The following LRP1B variants were observed in gnomAD, a reference collection of about 807,000 sequenced individuals.
LRP1B encodes low-density lipoprotein receptor-related protein 1B.
Under a neutral mutation model 556.6 loss-of-function variants are expected in LRP1B, and 217 were observed. That is an observed-to-expected ratio of 0.39 (90% CI 0.35 to 0.44). The LOEUF is 0.44. LRP1B is among the 20% of genes least tolerant of loss of function. The probability of loss-of-function intolerance (pLI) is 1.00; values close to 1 mark genes in which losing one functional copy is unlikely to be tolerated. For synonymous variants in LRP1B, 2,047 were observed against 1,865.8 expected, an observed-to-expected ratio of 1.10 and a Z score of -2.50; for missense variants, 5,053 against 5,620.8, an observed-to-expected ratio of 0.90 and a Z score of 3.23.
At chr2:140,730,621 G>A (rs1183565591) in intron 35 of LRP1B, among the ~76,000 whole-genome samples, 1 of 152,014 alleles carries the variant, frequency 6.6e-6, no homozygotes, top group Non-Finnish European at 1.5e-5. Context: ...GTTCAGTGGC[G>A]AGATCTCGGC....
intron 7 of LRP1B, among the ~76,000 whole-genome samples, chr2:141,122,435 C>A (rs942585858): frequency 1.0e-4 from 15 of 149,248 alleles, no homozygotes; most frequent in African/African-American, 3.7e-4. Context: ...AAAAAGTGGG[C>A]AAAGGATATG....
At chr2:140,296,396 T>C (rs186541037) in intron 84 of LRP1B, among the ~76,000 whole-genome samples, 142 of 152,274 alleles carry the variant, frequency 9.3e-4, no homozygotes, top group African/African-American at 3.4e-3. Context: ...ATAAGGGATA[T>C]CCAACTTGTT....
At chr2:140,985,067 C>A (rs1573952137) in intron 17 of LRP1B, among the ~76,000 whole-genome samples, 1 of 152,102 alleles carries the variant, frequency 6.6e-6, no homozygotes, top group East Asian at 1.9e-4. Context: ...AAATGCTTCT[C>A]TAAGGAGGAA....
At chr2:141,121,385 T>C (rs1244693612) in intron 7 of LRP1B, among the ~76,000 whole-genome samples, 7 of 151,978 alleles carry the variant, frequency 4.6e-5, no homozygotes, top group African/African-American at 1.4e-4. Context: ...GGCACAGACA[T>C]AGAAAGTAAA....
chr2:141,767,941 G>A (rs191705494), intron 2 of LRP1B, among the ~76,000 whole-genome samples: 11 of 152,142 alleles, frequency 7.2e-5, no homozygotes, highest in Admixed American at 2.0e-4. Context: ...TGGTTATTCT[G>A]TTCACAAAAT....
At chr2:141,764,755 C>G (rs1361900831) in intron 2 of LRP1B, among the ~76,000 whole-genome samples, 1 of 151,906 alleles carries the variant, frequency 6.6e-6, no homozygotes, top group Non-Finnish European at 1.5e-5. Flanking sequence ...ATGTTTATAA[C>G]TATGATAGAC....
At chr2:141,189,944 G>GAAAGAAAAGGAAGAAAT (rs1574172946) in intron 6 of LRP1B, among the ~76,000 whole-genome samples, 2 of 152,022 alleles carry the variant, frequency 1.3e-5, no homozygotes, top group East Asian at 3.9e-4. Flanking sequence ...AAGAAAGAAA[G>GAAAGAAAAGGAAGAAAT]AAAGAAAAGG....
chr2:141,347,464 T>TA (rs1688295350), intron 3 of LRP1B, among the ~76,000 whole-genome samples: 1 of 152,022 alleles, frequency 6.6e-6, no homozygotes. Flanking sequence ...AGTAACCTCT[T>TA]ACAATTCTCT....
intron 2 of LRP1B, among the ~76,000 whole-genome samples, chr2:141,728,861 AC>A (rs1043038327): frequency 8.5e-5 from 13 of 152,184 alleles, no homozygotes; most frequent in Non-Finnish European, 1.6e-4. Flanking sequence ...GTTTGGCTTA[AC>A]AAATGTTTTT....
chr2:141,675,899 G>A (rs1407234959), intron 2 of LRP1B, among the ~76,000 whole-genome samples: 1 of 151,636 alleles, frequency 6.6e-6, no homozygotes, highest in Non-Finnish European at 1.5e-5. Flanking sequence ...TTTTATTTTA[G>A]TTTTGAACAT....
At chr2:141,285,184 G>A (rs1175409209) in intron 3 of LRP1B, among the ~76,000 whole-genome samples, 3 of 146,356 alleles carry the variant, frequency 2.0e-5, no homozygotes, top group Non-Finnish European at 4.5e-5. Context: ...TGCACCCTCC[G>A]CCTCCCAGGT....
At chr2:141,022,225 A>G (rs1177838673) in intron 11 of LRP1B, among the ~76,000 whole-genome samples, 1 of 151,722 alleles carries the variant, frequency 6.6e-6, no homozygotes, top group Non-Finnish European at 1.5e-5. Context: ...TATCTAGTCT[A>G]TTAAGACAGT....
intron 7 of LRP1B, among the ~76,000 whole-genome samples, chr2:141,087,229 T>C (rs1459740305): frequency 6.6e-6 from 1 of 152,190 alleles, no homozygotes; most frequent in Admixed American, 6.5e-5. Flanking sequence ...ACTAGGATGA[T>C]GTTCATTCCT....
intron 77 of LRP1B, among the ~76,000 whole-genome samples, chr2:140,343,048 T>C (rs1369908125): frequency 6.6e-6 from 1 of 151,440 alleles, no homozygotes; most frequent in Non-Finnish European, 1.5e-5. Flanking sequence ...AGCTCAGTAT[T>C]TACAGTATAT....
At chr2:140,543,860 C>T (rs1680225638) in intron 43 of LRP1B, among the ~76,000 whole-genome samples, 1 of 151,804 alleles carries the variant, frequency 6.6e-6, no homozygotes, top group African/African-American at 2.4e-5. Flanking sequence ...ATTAAAAAAT[C>T]AATTGTATTT....
chr2:140,828,989 T>C (rs1048789191), intron 31 of LRP1B, among the ~76,000 whole-genome samples: 7 of 152,044 alleles, frequency 4.6e-5, no homozygotes, highest in Non-Finnish European at 5.9e-5. Context: ...ACTATTCTTA[T>C]AGTAGATAAA....
intron 31 of LRP1B, 78 bp downstream of exon 31, chr2:140,839,913 G>T: frequency 4.8e-6 from 4 of 830,164 alleles, no homozygotes; most frequent in Admixed American, 2.8e-5. Context: ...TTTCTTTCAG[G>T]ATCTAGATCA....
At chr2:141,122,405 GA>G (rs56871197) in intron 7 of LRP1B, among the ~76,000 whole-genome samples, 77,203 of 144,256 alleles carry the variant, frequency 0.54, 20,928 homozygotes, top group Middle Eastern at 0.63. Flanking sequence ...AAACTTACAA[GA>G]AAAAAAAAAA....
At chr2:141,560,681 A>G (rs1686114323) in intron 2 of LRP1B, among the ~76,000 whole-genome samples, 1 of 151,696 alleles carries the variant, frequency 6.6e-6, no homozygotes, top group Non-Finnish European at 1.5e-5. Context: ...AATTTGATAA[A>G]TTGTGGACAT....
Sources: allele counts gnomAD v4.1 joint callset (sites outside exome capture counted in the v4.1 genomes callset), GRCh38; gene constraint gnomAD v4.1.1; transcripts MANE v1.5; gene names NCBI Gene and HGNC (gene_info 2026-07-23, HGNC 2026-07-21).